The following CLGN variants were observed in gnomAD, a reference collection of about 807,000 sequenced individuals.
The protein encoded by CLGN is calmegin.
Under a neutral mutation model 79.1 loss-of-function variants are expected in CLGN, and 62 were observed. That is an observed-to-expected ratio of 0.78 (90% confidence interval 0.64 to 0.97). CLGN has a LOEUF of 0.97. Ranked by LOEUF, CLGN falls within the 50% of genes least tolerant of loss-of-function variation. The pLI is 0.00. For missense variants in CLGN, 647 were observed against 715.5 expected (o/e 0.90, Z 1.09); for synonymous variants, 225 against 224.7 (o/e 1.00, Z -0.01).
intron 1 of CLGN, among the ~76,000 whole-genome samples, chr4:140,414,752 T>C (rs1487283204): frequency 6.7e-6 from 1 of 148,584 alleles, no homozygotes; most frequent in East Asian, 1.9e-4. Flanking sequence ...ATGGGGAGAA[T>C]GGAACCAAGT....
In CLGN at chr4:140,401,863, AAAAAAGATAT is replaced by A. The variant is rs1169492150; in HGVS notation, c.501+112_501+121del. 5.1e-6 allele frequency: 3 copies of A among 591,266 alleles called. No homozygotes were observed. In the African/African-American group the frequency reaches 5.9e-5, roughly 12 times the overall value. The allele number at this position is 591,266 out of a possible 1,614,324, so 36.6% of individuals were successfully genotyped here. On this transcript the variant is annotated intron_variant, in intron 6 of 14. Coordinates refer to ENST00000325617, the MANE Select transcript of CLGN (RefSeq NM_004362.3). ...GTAAGAGCTATGTAAATTCACATTGAAAAAAGATATCTACAATTCTTTTCAATTTCAGTTG... is the reference window on the plus strand; with the variant it reads ...GTAAGAGCTATGTAAATTCACATTGACTACAATTCTTTTCAATTTCAGTTG...
chr4:140,406,160 A>T (rs1729103278), intron 4 of CLGN, 77 bp from the exon 5 acceptor site: 1 of 1,404,494 alleles, frequency 7.1e-7, no homozygotes, highest in Non-Finnish European at 9.7e-7. Flanking sequence ...AGTTGTGAAC[A>T]ATAATTTTTA....
In CLGN at chr4:140,405,520, A is replaced by AT. The variant is rs371796765; in HGVS notation, c.419+421dup. On this transcript the variant is annotated intron_variant, in intron 5 of 14. Coordinates refer to ENST00000325617, the MANE Select transcript of CLGN (RefSeq NM_004362.3). Reference sequence around the variant, plus strand: ...TTTTAAGAGTAAAACAAAAATGGTGATTTTTACTATGCATTATATAGTTTA... The same window carrying AT: ...TTTTAAGAGTAAAACAAAAATGGTGATTTTTTACTATGCATTATATAGTTTA... 4.3e-4 allele frequency among the ~76,000 whole-genome samples: 65 copies of AT among 152,296 alleles called. 1 individual carries two copies. In the East Asian group the frequency reaches 0.01, roughly 24 times the overall value.
At chr4:140,401,534 A>G (rs12509791) in intron 6 of CLGN, among the ~76,000 whole-genome samples, 1,576 of 152,338 alleles carry the variant, frequency 0.01, 13 homozygotes, top group South Asian at 0.042. Flanking sequence ...ACAACCTCTT[A>G]GAAGTATAAA....
chr4:140,422,406 T>C (rs984967479), intron 1 of CLGN, among the ~76,000 whole-genome samples: 2 of 152,250 alleles, frequency 1.3e-5, no homozygotes, highest in Non-Finnish European at 1.5e-5. Context: ...TGTCTTTCCA[T>C]TGATTAATAT....
At chr4:140,413,445 TG>T (rs1455677582) in intron 1 of CLGN, among the ~76,000 whole-genome samples, 1 of 152,126 alleles carries the variant, frequency 6.6e-6, no homozygotes, top group Non-Finnish European at 1.5e-5. Context: ...TCTGAGGTAC[TG>T]GGTTCATCTC....
At chr4:140,413,381 G>A (rs561198775) in intron 1 of CLGN, among the ~76,000 whole-genome samples, 24 of 152,300 alleles carry the variant, frequency 1.6e-4, no homozygotes, top group Admixed American at 3.9e-4. Flanking sequence ...AACAGCTCCC[G>A]TCTACAGCTC....
chr4:140,395,881 T>A lies in CLGN; in HGVS notation c.1087A>T (p.Ile363Leu). The A allele has an allele frequency of 2.5e-6, 4 of 1,598,648 alleles. No individual in the cohort carries two copies. The highest frequency in any genetic ancestry group is 2.6e-6 in the Non-Finnish European group (3 of 1,174,968). The stretch of plus-strand genomic sequence containing the variant: ...ACTCCTTTGTATTTTGGGTTATCTA[T>A]CATGGGAGGTTTCCACTCACCACAC... ...IGCGEWKPPM[I>L]DNPKYKGVWR... Residue 363 changes from isoleucine (I) to leucine (L), a missense_variant, in exon 10 of 15, where the codon ATA becomes TTA. Coordinates refer to ENST00000325617, the MANE Select transcript of CLGN (RefSeq NM_004362.3).
intron 1 of CLGN, among the ~76,000 whole-genome samples, chr4:140,426,115 G>A (rs116414613): frequency 0.013 from 2,020 of 152,166 alleles, 47 homozygotes; most frequent in African/African-American, 0.046. Context: ...GTGGCTTCAG[G>A]AATGCAATGT....
chr4:140,416,784 G>A (rs1268639141), intron 1 of CLGN, among the ~76,000 whole-genome samples: 2 of 152,136 alleles, frequency 1.3e-5, no homozygotes, highest in Non-Finnish European at 2.9e-5. Flanking sequence ...AGGAGGAACT[G>A]CTACCATTCC....
intron 4 of CLGN, among the ~76,000 whole-genome samples, chr4:140,408,668 A>T (rs76735581): frequency 0.018 from 2,742 of 152,090 alleles, 90 homozygotes; most frequent in African/African-American, 0.062. Flanking sequence ...TAAAAAGTCA[A>T]AAAACAATTG....
chr4:140,416,635 C>T (rs1729338390), intron 1 of CLGN, among the ~76,000 whole-genome samples: 2 of 150,142 alleles, frequency 1.3e-5, no homozygotes, highest in South Asian at 4.2e-4. Flanking sequence ...ATACACTCTC[C>T]CAAGACTAAA....
At chr4:140,390,933 G>A (rs1401503566) in intron 13 of CLGN, among the ~76,000 whole-genome samples, 1 of 151,574 alleles carries the variant, frequency 6.6e-6, no homozygotes, top group Non-Finnish European at 1.5e-5. Context: ...TGAGTTTGGG[G>A]ACAAGTTTAA....
intron 10 of CLGN, 117 bp downstream of exon 10, chr4:140,395,702 G>C (rs994997653): frequency 8.7e-6 from 7 of 804,974 alleles, no homozygotes; most frequent in Non-Finnish European, 1.2e-5. Flanking sequence ...TATTTTCTTT[G>C]ACATCTTAAA....
intron 11 of CLGN, 34 bp downstream of exon 11, chr4:140,393,792 G>C (rs374700061): frequency 1.3e-6 from 2 of 1,572,644 alleles, no homozygotes; most frequent in African/African-American, 2.7e-5. Flanking sequence ...ATTATTCATA[G>C]TTATATCACT....
At chr4:140,410,018 A>G in intron 3 of CLGN, 123 bp from the exon 4 acceptor site, 1 of 590,122 alleles carries the variant, frequency 1.7e-6, no homozygotes, top group South Asian at 2.6e-5. Context: ...TCAACAATAA[A>G]TTCATACTTA....
chr4:140,396,924 C>CATAT (rs1421154320), intron 8 of CLGN, among the ~76,000 whole-genome samples: 8 of 55,306 alleles, frequency 1.4e-4, no homozygotes, highest in African/African-American at 4.8e-4. Context: ...TATATATATA[C>CATAT]ACATATATAT....
At chr4:140,405,368 T>C (rs967482012) in intron 5 of CLGN, among the ~76,000 whole-genome samples, 7 of 150,302 alleles carry the variant, frequency 4.7e-5, no homozygotes, top group Non-Finnish European at 1.0e-4. Context: ...GTATTTTTAG[T>C]AGAGACGGGG....
chr4:140,419,017 G>A (rs1347137250), intron 1 of CLGN, among the ~76,000 whole-genome samples: 1 of 152,160 alleles, frequency 6.6e-6, no homozygotes, highest in Non-Finnish European at 1.5e-5. Context: ...GGAATACTAT[G>A]CAGCCATAAA....
Sources: allele counts gnomAD v4.1 joint callset (sites outside exome capture counted in the v4.1 genomes callset), GRCh38; gene constraint gnomAD v4.1.1; transcripts MANE v1.5; gene names NCBI Gene and HGNC (gene_info 2026-07-23, HGNC 2026-07-21).